Variants in TENM4 observed in about 807,000 individuals in gnomAD.
TENM4 encodes teneurin-4.
In TENM4, 82 loss-of-function variants were observed where a neutral mutation model predicts 243.3. The observed-to-expected ratio is 0.34, with a 90% CI of 0.28 to 0.40. The LOEUF is 0.40. Ranked by LOEUF, TENM4 falls within the 10% of genes least tolerant of loss-of-function variation. The pLI is 1.00. For missense variants in TENM4, 3,138 were observed against 3,673.3 expected, an observed-to-expected ratio of 0.85 and a Z score of 3.77; for synonymous variants, 1,412 against 1,456.3, an observed-to-expected ratio of 0.97 and a Z score of 0.69.
chr11:79,127,254 G>T (rs550144162), intron 4 of TENM4, among the ~76,000 whole-genome samples: 1 of 152,358 alleles, frequency 6.6e-6, no homozygotes, highest in South Asian at 2.1e-4. Context: ...ATCCATCCCT[G>T]CAGGGATTGC....
chr11:79,394,574 A>G (rs553998999), intron 1 of TENM4, among the ~76,000 whole-genome samples: 2 of 152,334 alleles, frequency 1.3e-5, no homozygotes, highest in Admixed American at 1.3e-4. Flanking sequence ...ATTTTGTTTA[A>G]CACTAATATG....
chr11:78,932,002 CAA>C (rs1203939319), intron 6 of TENM4, among the ~76,000 whole-genome samples: 2 of 151,886 alleles, frequency 1.3e-5, no homozygotes, highest in Non-Finnish European at 2.9e-5. Context: ...CTAACAACAA[CAA>C]AAAAAGGTAG....
intron 2 of TENM4, among the ~76,000 whole-genome samples, chr11:79,218,652 C>G (rs1864103010): frequency 6.6e-6 from 1 of 152,142 alleles, no homozygotes; most frequent in Admixed American, 6.5e-5. Context: ...TCATCCTTGC[C>G]AAGGCTTCAG....
chr11:79,423,615 G>A (rs553101295), intron 1 of TENM4, among the ~76,000 whole-genome samples: 3 of 148,522 alleles, frequency 2.0e-5, no homozygotes, highest in South Asian at 2.1e-4. Context: ...GTGGGGAAAC[G>A]GGTCATTCTT....
At chr11:79,335,430 C>T (rs936377618) in intron 1 of TENM4, among the ~76,000 whole-genome samples, 4 of 152,200 alleles carry the variant, frequency 2.6e-5, no homozygotes, top group East Asian at 3.8e-4. Context: ...ATTAGCATTG[C>T]GGAGAAGACA....
At chr11:79,168,729 G>T (rs986919862) in intron 3 of TENM4, among the ~76,000 whole-genome samples, 1 of 152,164 alleles carries the variant, frequency 6.6e-6, no homozygotes, top group African/African-American at 2.4e-5. Flanking sequence ...CCTCCCATAG[G>T]AGGTGGAGTC....
At chr11:78,779,694 G>A (rs1049063255) in intron 16 of TENM4, among the ~76,000 whole-genome samples, 1 of 152,150 alleles carries the variant, frequency 6.6e-6, no homozygotes, top group Non-Finnish European at 1.5e-5. Context: ...GGGTAGCTGG[G>A]CAGTCTCCTG....
At chr11:79,345,952 T>C (rs1018043051) in intron 1 of TENM4, among the ~76,000 whole-genome samples, 1 of 152,212 alleles carries the variant, frequency 6.6e-6, no homozygotes, top group Non-Finnish European at 1.5e-5. Flanking sequence ...TGGGAACTTA[T>C]TGAAATAGAT....
At chr11:79,394,671 T>G (rs1858304776) in intron 1 of TENM4, among the ~76,000 whole-genome samples, 1 of 152,182 alleles carries the variant, frequency 6.6e-6, no homozygotes, top group African/African-American at 2.4e-5. Context: ...TACAACCTTA[T>G]TTAGAAACAA....
At position 78,669,619 on chromosome 11, in the gene TENM4, G is replaced by A. The variant is rs1034671035; in HGVS notation, c.6726C>T (p.Arg2242=). The change falls in exon 32 of 34, where the codon CGC becomes CGT. Residue 2242 remains arginine (R), a synonymous_variant. Coordinates refer to ENST00000278550, the MANE Select transcript of TENM4 (RefSeq NM_001098816.3). This position sits in a 1 kb window ranked among gnomAD's most constrained non-coding sequence, Gnocchi z 6.4. ...ARLTPLRYDI[R]DRITRLGDVQ... is the part of the protein sequence containing the mutation. ...CGTCACCCAGCCGAGTGATGCGGTCGCGGATGTCATACCGTAGTGGTGTGA... is the reference window on the plus strand; with the variant it reads ...CGTCACCCAGCCGAGTGATGCGGTCACGGATGTCATACCGTAGTGGTGTGA... The A allele has an allele frequency of 2.0e-5, 32 of 1,613,816 alleles. No homozygotes were observed. The highest frequency in any genetic ancestry group is 4.4e-5 in the South Asian group (4 of 91,074).
At chr11:78,787,144 G>A in intron 15 of TENM4, 61 bp from the exon 16 acceptor site, 19 of 1,477,902 alleles carry the variant, frequency 1.3e-5, no homozygotes, top group South Asian at 1.1e-4. Flanking sequence ...AGTGGCCAGA[G>A]GGGCAGGGGA....
intron 1 of TENM4, among the ~76,000 whole-genome samples, chr11:79,370,234 C>T (rs973371818): frequency 5.3e-5 from 8 of 152,216 alleles, no homozygotes; most frequent in African/African-American, 1.2e-4. Flanking sequence ...CCCCCTACGA[C>T]GGAGGCCAGG....
intron 18 of TENM4, among the ~76,000 whole-genome samples, chr11:78,768,243 A>G (rs1287856766): frequency 6.6e-6 from 1 of 152,192 alleles, no homozygotes; most frequent in Non-Finnish European, 1.5e-5. Flanking sequence ...GAGGGCCCTG[A>G]GGTGAGACGT....
intron 13 of TENM4, among the ~76,000 whole-genome samples, chr11:78,812,807 C>T (rs960985181): frequency 2.2e-4 from 33 of 152,204 alleles, no homozygotes; most frequent in African/African-American, 8.0e-4. Flanking sequence ...TCCACTCCAG[C>T]CCCATATTCT....
intron 6 of TENM4, among the ~76,000 whole-genome samples, chr11:79,019,627 T>C (rs1283186585): frequency 3.3e-5 from 5 of 152,232 alleles, no homozygotes; most frequent in Non-Finnish European, 7.3e-5. Context: ...AGTGAATATT[T>C]ATTCATCACC....
intron 4 of TENM4, among the ~76,000 whole-genome samples, chr11:79,119,184 C>T: frequency 6.6e-6 from 1 of 152,168 alleles, no homozygotes; most frequent in South Asian, 2.1e-4. Flanking sequence ...TCCAGCACAC[C>T]TGTTAAGCAA....
chr11:79,172,128 A>AT (rs1863058995), intron 3 of TENM4, among the ~76,000 whole-genome samples: 1 of 152,068 alleles, frequency 6.6e-6, no homozygotes, highest in Admixed American at 6.5e-5. Context: ...ATTTTTATTT[A>AT]TTTTTTGTAG....
intron 4 of TENM4, among the ~76,000 whole-genome samples, chr11:79,078,235 A>G (rs1419807323): frequency 3.3e-5 from 5 of 152,230 alleles, no homozygotes; most frequent in African/African-American, 1.2e-4. Flanking sequence ...CTAAAGTTTT[A>G]TAAGTTTTCC....
intron 3 of TENM4, among the ~76,000 whole-genome samples, chr11:79,215,430 C>T (rs1009690811): frequency 6.6e-6 from 1 of 151,858 alleles, no homozygotes; most frequent in Non-Finnish European, 1.5e-5. Flanking sequence ...GGGCCCTGCA[C>T]CCTGGTCTCC....
Sources: allele counts gnomAD v4.1 joint callset (sites outside exome capture counted in the v4.1 genomes callset), GRCh38; gene constraint gnomAD v4.1.1; non-coding constraint Gnocchi (gnomAD v3.1); transcripts MANE v1.5; gene names NCBI Gene and HGNC (gene_info 2026-07-23, HGNC 2026-07-21).